The following PARD3B variants were observed in gnomAD, a reference collection of about 807,000 sequenced individuals.
PARD3B encodes the protein par-3 family cell polarity regulator beta.
A neutral mutation model predicts 130.2 loss-of-function variants in PARD3B; 103 were observed. The observed-to-expected ratio is 0.79, with a 90% confidence interval of 0.67 to 0.93. The LOEUF is 0.93. Among genes scored for constraint, PARD3B ranks in the 40% least tolerant of loss-of-function variants. The pLI is 0.00. For missense variants in PARD3B, 1,609 were observed against 1,499.2 expected, an observed-to-expected ratio of 1.07 and a Z score of -1.21; for synonymous variants, 583 against 553.2, an observed-to-expected ratio of 1.05 and a Z score of -0.76.
chr2:204,853,716 T>C (rs1207056495), intron 2 of PARD3B, among the ~76,000 whole-genome samples: 1 of 152,242 alleles, frequency 6.6e-6, no homozygotes, highest in Non-Finnish European at 1.5e-5. Flanking sequence ...GCACTTTGTA[T>C]GCATTTAGCA....
At chr2:205,580,889 G>A (rs1331527182) in intron 22 of PARD3B, among the ~76,000 whole-genome samples, 1 of 152,098 alleles carries the variant, frequency 6.6e-6, no homozygotes, top group Admixed American at 6.6e-5. Context: ...GAACTATCAT[G>A]AGAAATTTCA....
intron 2 of PARD3B, among the ~76,000 whole-genome samples, chr2:204,729,998 A>ACCAC (rs2039425997): frequency 7.1e-6 from 1 of 141,366 alleles, no homozygotes; most frequent in Non-Finnish European, 1.6e-5. Context: ...CACACACACA[A>ACCAC]ACACACACAC....
rs78911778 is a variant in PARD3B at position 205,596,532 on chromosome 2, G to T, written c.3261-18924G>T. ...CCAGCTTAGCATAGACTGAAATGAA[G>T]GCTGAAAGTTACCCTTCACCCTTTA... On this transcript the variant is annotated intron_variant, in intron 22 of 22. Coordinates refer to ENST00000406610, the MANE Select transcript of PARD3B (RefSeq NM_001302769.2). Among the ~76,000 whole-genome samples the T allele has an allele frequency of 2.6e-5, 4 of 152,216 alleles. No homozygotes were observed. In the East Asian group the frequency reaches 7.7e-4, roughly 29 times the overall value.
At chr2:205,213,541 G>A (rs1214336628) in intron 15 of PARD3B, among the ~76,000 whole-genome samples, 1 of 152,106 alleles carries the variant, frequency 6.6e-6, no homozygotes, top group African/African-American at 2.4e-5. Flanking sequence ...GATTGATTTG[G>A]CTCATCTTAC....
intron 3 of PARD3B, among the ~76,000 whole-genome samples, chr2:204,995,765 A>T (rs925659364): frequency 1.0e-5 from 1 of 98,030 alleles, no homozygotes; most frequent in Non-Finnish European, 2.0e-5. Flanking sequence ...TATTTCTTGG[A>T]GGCTTTGCTC....
chr2:205,410,379 T>C (rs1436700443), intron 19 of PARD3B, among the ~76,000 whole-genome samples: 1 of 152,208 alleles, frequency 6.6e-6, no homozygotes, highest in East Asian at 1.9e-4. Flanking sequence ...GGCTGTTTGG[T>C]GACTAGAATT....
chr2:205,360,762 G>A (rs1296194566), intron 18 of PARD3B, among the ~76,000 whole-genome samples: 1 of 152,198 alleles, frequency 6.6e-6, no homozygotes, highest in African/African-American at 2.4e-5. Flanking sequence ...CTACTGCTTA[G>A]CAGTGCTCCA....
In PARD3B at chr2:204,906,910, C is replaced by T. The variant is rs2047058948; in HGVS notation, c.223-58242C>T. ...AATGAAGATTGCTGGGAAATTTTAG[C>T]ATTTTTGTGGAGAATTGGGTGTATT... is the stretch of plus-strand genomic sequence containing the variant. On this transcript the variant is annotated intron_variant, in intron 2 of 22. Coordinates refer to ENST00000406610, the MANE Select transcript of PARD3B (RefSeq NM_001302769.2). This position sits in a 1 kb window ranked among gnomAD's most constrained non-coding sequence, Gnocchi z 4.3. 6.6e-6 allele frequency among the ~76,000 whole-genome samples: 1 copy of T among 152,084 alleles called. No homozygotes were observed. Among genetic ancestry groups the T allele is most frequent in the Non-Finnish European group, 1.5e-5 (1 of 68,014 alleles).
chr2:204,653,785 CAA>C (rs35190366), intron 1 of PARD3B, among the ~76,000 whole-genome samples: 2,796 of 71,478 alleles, frequency 0.039, 139 homozygotes, highest in African/African-American at 0.12. Context: ...GACTCTGTCT[CAA>C]AAAAAAAAAA....
intron 16 of PARD3B, among the ~76,000 whole-genome samples, chr2:205,272,766 T>C (rs2040781711): frequency 6.6e-6 from 1 of 152,212 alleles, no homozygotes; most frequent in African/African-American, 2.4e-5. Context: ...TCTGTCCCTT[T>C]TATTTGGAAA....
intron 1 of PARD3B, among the ~76,000 whole-genome samples, chr2:204,638,000 G>T (rs2034946802): frequency 6.6e-6 from 1 of 152,036 alleles, no homozygotes; most frequent in South Asian, 2.1e-4. Context: ...CATTATCCCT[G>T]GTAAGAAACT....
chr2:204,569,770 A>C (rs13412566), intron 1 of PARD3B, among the ~76,000 whole-genome samples: 11,089 of 152,226 alleles, frequency 0.073, 1,133 homozygotes, highest in African/African-American at 0.23. Flanking sequence ...CAGTTGGAGA[A>C]GGTGATGAGA....
At position 205,155,291 on chromosome 2, in the gene PARD3B, G is replaced by A. The variant is rs148803476; in HGVS notation, c.1435-3431G>A. 3.2e-3 allele frequency among the ~76,000 whole-genome samples: 463 copies of A among 146,914 alleles called. 1 individual carries two copies. The highest frequency in any genetic ancestry group is 0.011 in the Middle Eastern group (3 of 274). ...CATGCTCTCTGCAAATAGGGGCAGCGGCTCTATAGCTGAGTCCTTTCCCAG... is the reference window on the plus strand; with the variant it reads ...CATGCTCTCTGCAAATAGGGGCAGCAGCTCTATAGCTGAGTCCTTTCCCAG... On this transcript the variant is annotated intron_variant, in intron 10 of 22. Transcript: ENST00000406610.
chr2:205,540,786 A>G (rs1415925470), intron 21 of PARD3B, among the ~76,000 whole-genome samples: 1 of 152,234 alleles, frequency 6.6e-6, no homozygotes, highest in Non-Finnish European at 1.5e-5. Flanking sequence ...GCAGTTGGCA[A>G]GCATGCATTA....
intron 3 of PARD3B, among the ~76,000 whole-genome samples, chr2:204,966,316 AC>A (rs1691244215): frequency 6.6e-6 from 1 of 152,116 alleles, no homozygotes; most frequent in African/African-American, 2.4e-5. Flanking sequence ...GAAATTAATG[AC>A]CTATGGTCTA....
chr2:205,377,263 C>G (rs1472781239), intron 18 of PARD3B, among the ~76,000 whole-genome samples: 4 of 152,124 alleles, frequency 2.6e-5, no homozygotes, highest in African/African-American at 9.7e-5. Flanking sequence ...ATCAGTGTTT[C>G]TCGTCTTCAC....
At chr2:204,592,841 C>T (rs540780087) in intron 1 of PARD3B, among the ~76,000 whole-genome samples, 1 of 152,280 alleles carries the variant, frequency 6.6e-6, no homozygotes, top group Admixed American at 6.5e-5. Context: ...TATGAAGTTG[C>T]CCACTCTGGA....
At chr2:205,519,854 AT>A in intron 21 of PARD3B, among the ~76,000 whole-genome samples, 1 of 152,204 alleles carries the variant, frequency 6.6e-6, no homozygotes, top group African/African-American at 2.4e-5. Context: ...TTAGCAGGGC[AT>A]TTTTGGTGTT....
intron 2 of PARD3B, among the ~76,000 whole-genome samples, chr2:204,761,716 G>T (rs550267414): frequency 1.2e-4 from 18 of 151,996 alleles, no homozygotes; most frequent in Admixed American, 4.6e-4. Context: ...GAAAGCTTAC[G>T]TCTTTGAATG....
Sources: allele counts gnomAD v4.1 joint callset (sites outside exome capture counted in the v4.1 genomes callset), GRCh38; gene constraint gnomAD v4.1.1; non-coding constraint Gnocchi (gnomAD v3.1); transcripts MANE v1.5; gene names NCBI Gene and HGNC (gene_info 2026-07-23, HGNC 2026-07-21).